STK39: variants seen among roughly 807,000 people sequenced by gnomAD.
STK39 encodes STE20/SPS1-related proline-alanine-rich protein kinase.
A neutral mutation model predicts 77.8 loss-of-function variants in STK39; 20 were observed. That is an observed-to-expected ratio of 0.26 (90% CI 0.18 to 0.37). STK39 has a LOEUF of 0.37. Among genes scored for constraint, STK39 ranks in the 10% least tolerant of loss-of-function variants. The pLI, the probability that STK39 is intolerant of heterozygous loss-of-function variation, is 1.00. For synonymous variants in STK39, 246 were observed against 234.1 expected, an observed-to-expected ratio of 1.05 and a Z score of -0.47; for missense variants, 479 against 656.5, an observed-to-expected ratio of 0.73 and a Z score of 2.95.
At chr2:168,030,974 T>C (rs1684819324) in intron 14 of STK39, among the ~76,000 whole-genome samples, 1 of 152,214 alleles carries the variant, frequency 6.6e-6, no homozygotes, top group African/African-American at 2.4e-5. Context: ...GGACTTTTCA[T>C]GCAGAATGTC....
intron 10 of STK39, among the ~76,000 whole-genome samples, chr2:168,122,240 G>A (rs1382443100): frequency 6.6e-6 from 1 of 152,048 alleles, no homozygotes; most frequent in Non-Finnish European, 1.5e-5. Flanking sequence ...TTGTGTCCAT[G>A]TTTACTCAGT....
At chr2:168,158,342 A>T (rs926071934) in intron 5 of STK39, among the ~76,000 whole-genome samples, 5 of 152,172 alleles carry the variant, frequency 3.3e-5, no homozygotes, top group African/African-American at 1.2e-4. Flanking sequence ...CCAGTCTGAA[A>T]AGAGTGTGGT....
At chr2:167,998,156 A>G (rs1683896955) in intron 16 of STK39, among the ~76,000 whole-genome samples, 1 of 152,236 alleles carries the variant, frequency 6.6e-6, no homozygotes, top group South Asian at 2.1e-4. Flanking sequence ...GGCTTTACCA[A>G]TGCATAAACA....
At chr2:167,980,677 A>G (rs1683392235) in intron 16 of STK39, among the ~76,000 whole-genome samples, 1 of 151,924 alleles carries the variant, frequency 6.6e-6, no homozygotes, top group African/African-American at 2.4e-5. Context: ...GGAGGAGGAG[A>G]GAGCTAAGCC....
intron 16 of STK39, among the ~76,000 whole-genome samples, chr2:167,970,043 C>T (rs998781194): frequency 6.6e-6 from 1 of 152,176 alleles, no homozygotes; most frequent in African/African-American, 2.4e-5. Flanking sequence ...AACCTCTGTA[C>T]CTGCCATTCC....
intron 10 of STK39, among the ~76,000 whole-genome samples, chr2:168,087,062 G>A (rs552489553): frequency 2.6e-5 from 4 of 152,318 alleles, no homozygotes; most frequent in African/African-American, 7.2e-5. Context: ...TAAAGAGAAC[G>A]ATAGGAACAC....
chr2:168,214,256 C>CAA (rs11445474), intron 1 of STK39, among the ~76,000 whole-genome samples: 295 of 149,464 alleles, frequency 2.0e-3, no homozygotes, highest in Middle Eastern at 3.4e-3. Flanking sequence ...ACAACAACAA[C>CAA]AAAAAAAAAA....
At chr2:168,132,742 C>T (rs894657733) in intron 8 of STK39, among the ~76,000 whole-genome samples, 1 of 152,186 alleles carries the variant, frequency 6.6e-6, no homozygotes, top group Admixed American at 6.5e-5. Flanking sequence ...ACATTCCCAT[C>T]ATGTATTTTT....
intron 14 of STK39, among the ~76,000 whole-genome samples, chr2:168,025,663 A>C (rs1277668559): frequency 6.6e-6 from 1 of 152,264 alleles, no homozygotes; most frequent in African/African-American, 2.4e-5. Context: ...TGGCAGACGA[A>C]TGTGCAGCCC....
chr2:168,005,104 C>T (rs1684096663), intron 16 of STK39, among the ~76,000 whole-genome samples: 3 of 146,750 alleles, frequency 2.0e-5, no homozygotes, highest in Non-Finnish European at 4.5e-5. Flanking sequence ...CTCCCAGGTT[C>T]AAGCAATTCT....
At chr2:168,213,219 A>G (rs1689937893) in intron 1 of STK39, among the ~76,000 whole-genome samples, 1 of 152,236 alleles carries the variant, frequency 6.6e-6, no homozygotes, top group Admixed American at 6.5e-5. Context: ...AGTGAGAAAT[A>G]CTAAGTGCTA....
chr2:168,057,395 G>T (rs1201731978), intron 14 of STK39, among the ~76,000 whole-genome samples: 1 of 152,202 alleles, frequency 6.6e-6, no homozygotes, highest in East Asian at 1.9e-4. Context: ...GTTTCACCAT[G>T]TTGGCCAGGC....
intron 5 of STK39, among the ~76,000 whole-genome samples, chr2:168,154,720 T>C (rs1418525479): frequency 1.4e-5 from 2 of 142,932 alleles, no homozygotes; most frequent in East Asian, 4.4e-4. Context: ...TCCATGACAG[T>C]AGACACAATG....
At chr2:168,231,873 G>T in intron 1 of STK39, 1 of 232,536 alleles carries the variant, frequency 4.3e-6, no homozygotes. Context: ...CATCTTTTCT[G>T]GCAGCTGCAG....
chr2:168,054,051 A>T (rs926884884), intron 14 of STK39, among the ~76,000 whole-genome samples: 2 of 152,252 alleles, frequency 1.3e-5, no homozygotes, highest in East Asian at 3.8e-4. Flanking sequence ...CATCTTTAGC[A>T]TCTCCTCCAA....
At chr2:168,205,315 CA>C (rs1444549127) in intron 1 of STK39, among the ~76,000 whole-genome samples, 2 of 152,024 alleles carry the variant, frequency 1.3e-5, no homozygotes, top group African/African-American at 4.8e-5. Context: ...CAGGAAACAC[CA>C]AAATATTAAG....
chr2:167,975,738 TG>T (rs1451613769), intron 16 of STK39, among the ~76,000 whole-genome samples: 6 of 152,148 alleles, frequency 3.9e-5, no homozygotes, highest in Non-Finnish European at 8.8e-5. Flanking sequence ...GCCGCAAACC[TG>T]GGAGGCGGAG....
chr2:168,153,160 G>A (rs1688334991), intron 5 of STK39, among the ~76,000 whole-genome samples: 1 of 152,212 alleles, frequency 6.6e-6, no homozygotes, highest in South Asian at 2.1e-4. Flanking sequence ...AAGAGTCACT[G>A]AACTATTGCT....
rs760147406 is a variant in STK39 at position 168,129,793 on chromosome 2, TG to T, written c.975-36del. ...CAATAATAAATTAGAGTTGAAACAA[TG>T]ACCACTTAATAAATGCACTGCCTTG... is the stretch of plus-strand genomic sequence containing the variant. On this transcript the variant is annotated intron_variant, in intron 8 of 17. Transcript: ENST00000355999. The T allele has an allele frequency of 7.5e-6, 12 of 1,609,340 alleles. No individual in the cohort carries two copies. In the East Asian group the frequency reaches 2.7e-4, roughly 36 times the overall value.
Sources: allele counts gnomAD v4.1 joint callset (sites outside exome capture counted in the v4.1 genomes callset), GRCh38; gene constraint gnomAD v4.1.1; transcripts MANE v1.5; gene names NCBI Gene and HGNC (gene_info 2026-07-23, HGNC 2026-07-21).